The following RNF32 variants were observed in gnomAD, a reference collection of about 807,000 sequenced individuals.
The protein encoded by RNF32 is ring finger protein 32.
RNF32 carries 36 observed loss-of-function variants against 41.0 expected under a neutral mutation model. That is an observed-to-expected ratio of 0.88 (90% CI 0.67 to 1.16). The LOEUF is 1.16. RNF32 is among the 50% of genes most tolerant of loss of function. The probability of loss-of-function intolerance (pLI) is 0.00; values close to 1 mark genes in which losing one functional copy is unlikely to be tolerated. For missense variants in RNF32, 413 were observed against 436.7 expected (o/e 0.95, Z 0.48); for synonymous variants, 154 against 160.9 (o/e 0.96, Z 0.32).
At position 156,651,268 on chromosome 7, in the gene RNF32, C is replaced by T. The variant is rs1273381443; in HGVS notation, c.275-3308C>T. Among the ~76,000 whole-genome samples, 10 of 148,654 alleles carry T rather than the reference C, an allele frequency of 6.7e-5. No homozygotes were observed. The East Asian group carries it at 1.2e-3, about 18-fold the overall frequency. On this transcript the variant is annotated intron_variant, in intron 3 of 8. Coordinates refer to ENST00000317955, the MANE Select transcript of RNF32 (RefSeq NM_030936.4). ...TTGCTCTGATGCCCAGGCTGGAGTG[C>T]GGTGGCACAATCTCGGCTCACTGCA...
chr7:156,645,418 A>G (rs868157043), intron 3 of RNF32, among the ~76,000 whole-genome samples: 7 of 152,224 alleles, frequency 4.6e-5, no homozygotes, highest in South Asian at 2.1e-4. Flanking sequence ...TCATGAGGAA[A>G]CCTCAGACCA....
rs974849812 is a variant in RNF32, at chr7:156,669,900, C to T, written c.685-5796C>T. On this transcript the variant is annotated intron_variant, in intron 7 of 8. Coordinates refer to ENST00000317955, the MANE Select transcript of RNF32 (RefSeq NM_030936.4). The surrounding 1 kb of genome is among the most constrained non-coding windows in gnomAD (Gnocchi z 4.2). ...TCCAGGTGACAGGAGGGCGGGCGGT[C>T]ATGGCCTAGTGCCATGAAAATGAAA... 6.6e-6 allele frequency among the ~76,000 whole-genome samples: 1 copy of T among 152,148 alleles called. No homozygotes were observed. The highest frequency in any genetic ancestry group is 1.5e-5 in the Non-Finnish European group (1 of 68,020).
intron 4 of RNF32, among the ~76,000 whole-genome samples, chr7:156,655,734 T>C (rs761823756): frequency 1.2e-4 from 18 of 152,130 alleles, no homozygotes; most frequent in Non-Finnish European, 2.2e-4. Flanking sequence ...TATGTGAAAG[T>C]TGGGTATTTT....
At chr7:156,650,881 TG>T (rs1441417375) in intron 3 of RNF32, among the ~76,000 whole-genome samples, 1 of 152,234 alleles carries the variant, frequency 6.6e-6, no homozygotes. Context: ...AATGGCCATC[TG>T]CACATCCTTT....
intron 3 of RNF32, among the ~76,000 whole-genome samples, chr7:156,649,402 T>TC (rs1327350284): frequency 6.6e-6 from 1 of 152,132 alleles, no homozygotes; most frequent in Admixed American, 6.5e-5. Context: ...TTCTTTTTTT[T>TC]CCCTGCTTTT....
At chr7:156,660,508 A>G (rs189701585) in intron 7 of RNF32, among the ~76,000 whole-genome samples, 6 of 152,264 alleles carry the variant, frequency 3.9e-5, no homozygotes, top group South Asian at 4.1e-4. Flanking sequence ...AACAAACTGT[A>G]TAAGTTGTTT....
At chr7:156,644,125 C>A (rs944098219) in intron 2 of RNF32, among the ~76,000 whole-genome samples, 1 of 152,102 alleles carries the variant, frequency 6.6e-6, no homozygotes, top group Non-Finnish European at 1.5e-5. Context: ...TTATTCTGCA[C>A]AGGAAATTAT....
chr7:156,669,419 C>A lies in RNF32; in HGVS notation c.685-6277C>A, dbSNP rs1477953655. On this transcript the variant is annotated intron_variant, in intron 7 of 8. Coordinates refer to ENST00000317955, the MANE Select transcript of RNF32 (RefSeq NM_030936.4). This position sits in a 1 kb window ranked among gnomAD's most constrained non-coding sequence, Gnocchi z 4.2. ...GATGTTTGAAATAAGGTGGAAATGT[C>A]TGAGGAGATGCACCCTGAACCCAAA... 2 of 152,210 alleles carry A rather than the reference C, an allele frequency of 1.3e-5. No individual in the cohort carries two copies. The highest frequency in any genetic ancestry group is 6.5e-5 in the Admixed American group (1 of 15,274). The allele number at this position is 152,210 out of a possible 1,614,324, so 9.4% of individuals were successfully genotyped here. A position where few individuals can be genotyped will look rare whatever the true frequency, so the allele number is the denominator to read the frequency against.
At chr7:156,650,350 T>C (rs77996281) in intron 3 of RNF32, among the ~76,000 whole-genome samples, 2,816 of 152,222 alleles carry the variant, frequency 0.018, 89 homozygotes, top group African/African-American at 0.065. Context: ...CACATGCCCA[T>C]TGATAGTCTA....
chr7:156,676,927 T>G lies in RNF32; in HGVS notation c.*272T>G, dbSNP rs987256268. ...TGAGAGCTTGCTTACTTCTAAAAAT[T>G]GAGGTTAAGATATAGCTAGTGTCTG... On this transcript the variant is annotated 3_prime_UTR_variant, in exon 9 of 9. Coordinates refer to ENST00000317955, the MANE Select transcript of RNF32 (RefSeq NM_030936.4). The G allele has an allele frequency of 1.5e-5, 6 of 393,612 alleles. No homozygotes were observed. The highest frequency in any genetic ancestry group is 4.7e-6 in the Non-Finnish European group (1 of 214,054). 24.4% of individuals were successfully genotyped at this position (393,612 alleles called of 1,614,324 possible).
chr7:156,642,536 C>G (rs1234150435), intron 1 of RNF32, among the ~76,000 whole-genome samples: 4 of 152,242 alleles, frequency 2.6e-5, no homozygotes, highest in Non-Finnish European at 5.9e-5. Context: ...GGGTATTGTC[C>G]TGCATCTCTG....
chr7:156,641,596 T>C (rs1797326788), intron 1 of RNF32, among the ~76,000 whole-genome samples: 1 of 152,242 alleles, frequency 6.6e-6, no homozygotes, highest in Admixed American at 6.5e-5. Flanking sequence ...TAAAACTTAA[T>C]GATACCGTAG....
chr7:156,667,397 T>C (rs1040674045), intron 7 of RNF32, among the ~76,000 whole-genome samples: 3 of 152,244 alleles, frequency 2.0e-5, no homozygotes, highest in Admixed American at 2.0e-4. Context: ...TTGTTTTACA[T>C]ATCAATAACT....
intron 1 of RNF32, among the ~76,000 whole-genome samples, chr7:156,643,446 CT>C (rs1382110427): frequency 6.6e-6 from 1 of 152,204 alleles, no homozygotes; most frequent in Non-Finnish European, 1.5e-5. Flanking sequence ...CTCTGTGTAT[CT>C]TTCAAATGCC....
At chr7:156,646,333 T>A in intron 3 of RNF32, 1 of 1,041,388 alleles carries the variant, frequency 9.6e-7, no homozygotes. Flanking sequence ...CTAACTTACC[T>A]TTCCCTGGTG....
chr7:156,671,795 G>T (rs372587588), intron 7 of RNF32, among the ~76,000 whole-genome samples: 2 of 151,340 alleles, frequency 1.3e-5, no homozygotes, highest in East Asian at 3.9e-4. Context: ...CTTAAGTCGT[G>T]TAGAGTATGT....
At chr7:156,646,749 A>G (rs1798012218) in intron 3 of RNF32, among the ~76,000 whole-genome samples, 1 of 152,216 alleles carries the variant, frequency 6.6e-6, no homozygotes, top group Admixed American at 6.5e-5. Context: ...CACTACTCAC[A>G]TATATTACTA....
At chr7:156,651,169 T>A (rs1798665227) in intron 3 of RNF32, among the ~76,000 whole-genome samples, 1 of 152,128 alleles carries the variant, frequency 6.6e-6, no homozygotes. Context: ...AAGGCAGCCA[T>A]TTTCAAATCC....
In RNF32 at chr7:156,670,081, T is replaced by C. The variant is rs1436182541; in HGVS notation, c.685-5615T>C. ...AATGTTATTCTAAGAAAAAATTAAA[T>C]TATAAATTTTATGACTTTCACAGTG... On this transcript the variant is annotated intron_variant, in intron 7 of 8. Coordinates refer to ENST00000317955, the MANE Select transcript of RNF32 (RefSeq NM_030936.4). The surrounding 1 kb of genome is among the most constrained non-coding windows in gnomAD (Gnocchi z 4.3). 6.6e-6 allele frequency among the ~76,000 whole-genome samples: 1 copy of C among 152,232 alleles called. No individual in the cohort carries two copies. The highest frequency in any genetic ancestry group is 1.5e-5 in the Non-Finnish European group (1 of 68,042).
Sources: allele counts gnomAD v4.1 joint callset (sites outside exome capture counted in the v4.1 genomes callset), GRCh38; gene constraint gnomAD v4.1.1; non-coding constraint Gnocchi (gnomAD v3.1); transcripts MANE v1.5; gene names NCBI Gene and HGNC (gene_info 2026-07-23, HGNC 2026-07-21).